CSMD1: variants seen among roughly 807,000 people sequenced by gnomAD.
The protein encoded by CSMD1 is CUB and Sushi multiple domains 1.
In CSMD1, 213 loss-of-function variants were observed where a neutral mutation model predicts 417.5. That is an observed-to-expected ratio of 0.51 (90% CI 0.46 to 0.57). CSMD1 has a LOEUF of 0.57. Ranked by LOEUF, CSMD1 falls within the 20% of genes least tolerant of loss-of-function variation. The pLI is 0.00. For synonymous variants in CSMD1, 2,862 were observed against 1,736.8 expected, an observed-to-expected ratio of 1.65 and a Z score of -16.11; for missense variants, 6,923 against 4,529.7, an observed-to-expected ratio of 1.53 and a Z score of -15.17.
intron 26 of CSMD1, among the ~76,000 whole-genome samples, chr8:3,239,836 GAGTTAT>G (rs760676754): frequency 1.3e-5 from 2 of 152,138 alleles, no homozygotes; most frequent in South Asian, 2.1e-4. Context: ...ATGGATCAGA[GAGTTAT>G]AGTCATAGGG....
chr8:3,623,123 G>A (rs1214355842), intron 7 of CSMD1, among the ~76,000 whole-genome samples: 1 of 152,158 alleles, frequency 6.6e-6, no homozygotes, highest in African/African-American at 2.4e-5. Flanking sequence ...GCAAGTGGAT[G>A]ATCAGATATA....
In CSMD1 at chr8:4,923,172, T is replaced by A. The variant is rs182948481; in HGVS notation, c.85+71160A>T. Among the ~76,000 whole-genome samples the A allele has an allele frequency of 2.1e-4, 32 of 152,320 alleles. 1 individual carries two copies. ...ATATAATACCATCAATTTTTCAGTT[T>A]TAGATGACCACTGTCATTTTCTTTC... is the stretch of plus-strand genomic sequence containing the variant. On this transcript the variant is annotated intron_variant, in intron 1 of 69. Transcript: ENST00000635120.
intron 41 of CSMD1, among the ~76,000 whole-genome samples, chr8:3,135,597 G>A (rs978614843): frequency 1.4e-5 from 2 of 140,622 alleles, no homozygotes; most frequent in Middle Eastern, 3.7e-3. Context: ...TCTGTGAACC[G>A]GCTTCTTCCC....
At chr8:4,825,167 G>A (rs895356255) in intron 1 of CSMD1, among the ~76,000 whole-genome samples, 2 of 152,082 alleles carry the variant, frequency 1.3e-5, no homozygotes, top group African/African-American at 4.8e-5. Flanking sequence ...TGGGATAAAT[G>A]TGACTTATCT....
At chr8:3,038,567 A>G (rs11136561) in intron 50 of CSMD1, among the ~76,000 whole-genome samples, 113,757 of 152,018 alleles carry the variant, frequency 0.75, 43,161 homozygotes, top group Non-Finnish European at 0.81. Context: ...GTTTTTATTT[A>G]CATGTTATAA....
chr8:4,384,545 C>G (rs1246045752), intron 3 of CSMD1, among the ~76,000 whole-genome samples: 7 of 152,144 alleles, frequency 4.6e-5, no homozygotes, highest in African/African-American at 1.4e-4. Flanking sequence ...TTATGAAGTC[C>G]TACCCCTGTA....
chr8:3,768,410 AT>A (rs1798400451), intron 5 of CSMD1, among the ~76,000 whole-genome samples: 2 of 152,210 alleles, frequency 1.3e-5, no homozygotes, highest in African/African-American at 4.8e-5. Flanking sequence ...AGATCAATCC[AT>A]GTTTATAAAT....
intron 6 of CSMD1, among the ~76,000 whole-genome samples, chr8:3,734,807 C>G (rs187981888): frequency 1.3e-5 from 2 of 152,290 alleles, no homozygotes; most frequent in Non-Finnish European, 2.9e-5. Context: ...TGCTGAGGCC[C>G]CGTGACGGGG....
At chr8:3,658,045 G>A (rs983565716) in intron 7 of CSMD1, among the ~76,000 whole-genome samples, 2 of 152,124 alleles carry the variant, frequency 1.3e-5, no homozygotes, top group Non-Finnish European at 2.9e-5. Context: ...GAAATACTCA[G>A]AGCATAACAG....
At chr8:4,269,813 C>T (rs1194541585) in intron 3 of CSMD1, among the ~76,000 whole-genome samples, 1 of 152,132 alleles carries the variant, frequency 6.6e-6, no homozygotes, top group African/African-American at 2.4e-5. Flanking sequence ...AATGAAGTCT[C>T]AGAATTACAA....
chr8:3,792,838 T>C (rs1433704107), intron 5 of CSMD1, among the ~76,000 whole-genome samples: 1 of 152,202 alleles, frequency 6.6e-6, no homozygotes. Context: ...TGTATTTGAC[T>C]TGAAGCACAG....
intron 10 of CSMD1, among the ~76,000 whole-genome samples, chr8:3,563,775 G>C (rs1053417814): frequency 2.0e-5 from 3 of 152,038 alleles, no homozygotes; most frequent in African/African-American, 7.3e-5. Context: ...TGTAATCACA[G>C]CTACTCGGGA....
intron 3 of CSMD1, among the ~76,000 whole-genome samples, chr8:4,091,854 G>A (rs1055917394): frequency 6.6e-6 from 1 of 152,154 alleles, no homozygotes; most frequent in Non-Finnish European, 1.5e-5. Flanking sequence ...AGAAACAACA[G>A]AATTTTAACA....
chr8:4,564,230 A>G (rs1283904496), intron 2 of CSMD1, among the ~76,000 whole-genome samples: 1 of 152,220 alleles, frequency 6.6e-6, no homozygotes, highest in African/African-American at 2.4e-5. Context: ...TGCACAAGGA[A>G]AACAAGCACA....
chr8:3,978,474 A>T (rs991752856), intron 5 of CSMD1, among the ~76,000 whole-genome samples: 1 of 152,192 alleles, frequency 6.6e-6, no homozygotes, highest in African/African-American at 2.4e-5. Flanking sequence ...TAAGAAATCC[A>T]TGAATATGGG....
At chr8:3,777,906 A>G (rs1798979885) in intron 5 of CSMD1, among the ~76,000 whole-genome samples, 1 of 150,492 alleles carries the variant, frequency 6.6e-6, no homozygotes, top group Non-Finnish European at 1.5e-5. Context: ...CTCAGTTCCC[A>G]CTCCAGACCC....
chr8:4,513,695 T>C (rs1474794226), intron 2 of CSMD1, among the ~76,000 whole-genome samples: 2 of 152,216 alleles, frequency 1.3e-5, no homozygotes, highest in East Asian at 3.8e-4. Flanking sequence ...TTTCATTTTC[T>C]GGGGGACTTT....
chr8:4,162,270 T>G (rs1797218309), intron 3 of CSMD1, among the ~76,000 whole-genome samples: 1 of 152,218 alleles, frequency 6.6e-6, no homozygotes, highest in African/African-American at 2.4e-5. Flanking sequence ...TGTAGCAGAT[T>G]TTCCAATAAT....
chr8:4,020,709 T>G (rs995184802), intron 4 of CSMD1, among the ~76,000 whole-genome samples: 5 of 152,372 alleles, frequency 3.3e-5, no homozygotes, highest in African/African-American at 1.2e-4. Context: ...CGAATCCGCG[T>G]GTTCCTCAAA....
Sources: gnomAD v4.1 joint callset for allele counts (sites outside exome capture counted in the v4.1 genomes callset) on GRCh38, gnomAD v4.1.1 for gene constraint, MANE v1.5 for transcripts, NCBI Gene and HGNC (gene_info 2026-07-23, HGNC 2026-07-21) for gene names.